Variants in VPS13A observed in about 807,000 individuals in gnomAD.
VPS13A encodes intermembrane lipid transfer protein VPS13A.
VPS13A carries 264 observed loss-of-function variants against 390.9 expected under a neutral mutation model. The ratio of observed to expected loss-of-function variants is 0.68; its 90% CI spans 0.61 to 0.75. VPS13A has a LOEUF of 0.75. VPS13A is among the 30% of genes least tolerant of loss of function. The probability of loss-of-function intolerance (pLI) is 0.00; values close to 1 mark genes in which losing one functional copy is unlikely to be tolerated. For missense variants in VPS13A, 3,409 were observed against 3,733.9 expected, an observed-to-expected ratio of 0.91 and a Z score of 2.27; for synonymous variants, 1,231 against 1,227.1, an observed-to-expected ratio of 1.00 and a Z score of -0.07.
intron 23 of VPS13A, among the ~76,000 whole-genome samples, chr9:77,262,847 G>A (rs1292462559): frequency 6.6e-6 from 1 of 152,092 alleles, no homozygotes; most frequent in African/African-American, 2.4e-5. Context: ...TGGGCATTTG[G>A]GTTGGTTCTA....
At chr9:77,398,885 G>A (rs1260394315) in intron 68 of VPS13A, among the ~76,000 whole-genome samples, 2 of 150,892 alleles carry the variant, frequency 1.3e-5, no homozygotes, top group Admixed American at 1.3e-4. Flanking sequence ...GATGAAATTG[G>A]AAACCATCAT....
intron 33 of VPS13A, among the ~76,000 whole-genome samples, chr9:77,296,690 A>G (rs966310059): frequency 6.6e-6 from 1 of 152,166 alleles, no homozygotes; most frequent in African/African-American, 2.4e-5. Flanking sequence ...ATACCATTTT[A>G]TAAGTTTTGA....
chr9:77,304,070 T>C (rs1828559042), intron 34 of VPS13A, among the ~76,000 whole-genome samples: 1 of 152,170 alleles, frequency 6.6e-6, no homozygotes, highest in African/African-American at 2.4e-5. Flanking sequence ...GACTATCATA[T>C]GGGGAGAAAC....
At position 77,368,105 on chromosome 9, in the gene VPS13A, A is replaced by G. The variant is rs755328181; in HGVS notation, c.8522A>G (p.Gln2841Arg). The change falls in exon 62 of 72, where the codon CAG (glutamine) becomes CGG (arginine). Residue 2841 changes from glutamine (Q) to arginine (R), a missense_variant. Transcript: ENST00000360280. ...CAGTTCCATACAACATCCGATCTAC[A>G]GTCTGAAGTCATAAGACACTATTCA... Reference protein sequence around the residue: ...NYQFHTTSDLQSEVIRHYSKQ... With the variant: ...NYQFHTTSDLRSEVIRHYSKQ... 107 of 1,612,482 alleles carry G rather than the reference A, an allele frequency of 6.6e-5. No individual in the cohort carries two copies. In the Admixed American group the frequency reaches 1.7e-3, roughly 26 times the overall value.
intron 68 of VPS13A, among the ~76,000 whole-genome samples, chr9:77,399,181 T>TAAAAAAAAAAAAAAAAAAAAAA (rs1223344360): frequency 1.4e-4 from 5 of 34,958 alleles, no homozygotes; most frequent in Non-Finnish European, 1.8e-4. Context: ...AAAAAAAAAA[T>TAAAAAAAAAAAAAAAAAAAAAA]AAAAAAAAAA....
chr9:77,253,173 T>C (rs1825239888), intron 22 of VPS13A, among the ~76,000 whole-genome samples: 1 of 152,218 alleles, frequency 6.6e-6, no homozygotes, highest in African/African-American at 2.4e-5. Flanking sequence ...GTCATCCTAA[T>C]AGGTGTGAAG....
At chr9:77,386,163 T>TA (rs1833673465) in intron 68 of VPS13A, among the ~76,000 whole-genome samples, 1 of 152,210 alleles carries the variant, frequency 6.6e-6, no homozygotes, top group Admixed American at 6.5e-5. Context: ...AGTCATTGCT[T>TA]TATTGGAAAC....
intron 68 of VPS13A, among the ~76,000 whole-genome samples, chr9:77,398,827 G>T (rs987376028): frequency 6.6e-6 from 1 of 152,144 alleles, no homozygotes; most frequent in South Asian, 2.1e-4. Context: ...AAAGGATACG[G>T]TTGGCAGCCA....
intron 67 of VPS13A, among the ~76,000 whole-genome samples, chr9:77,377,455 A>G (rs1353824007): frequency 1.3e-5 from 2 of 151,936 alleles, no homozygotes; most frequent in Admixed American, 6.6e-5. Flanking sequence ...TCCTGACCTC[A>G]TGATCCACCC....
rs1230623875 is a variant in VPS13A, at chr9:77,295,641, A to C, written c.3607A>C (p.Arg1203=). Residue 1203 remains arginine, a synonymous_variant, in exon 33 of 72, where the codon AGG becomes CGG. Transcript: ENST00000360280. ...AATGVKELAQ[R]SSRMALDINI... ...TACTGGTGTAAAAGAACTCGCACAA[A>C]GGAGTTCCAGAATGGCACTGGATAT... 6.2e-7 allele frequency: 1 copy of C among 1,614,068 alleles called. No homozygotes were observed. Among genetic ancestry groups the C allele is most frequent in the South Asian group, 1.1e-5 (1 of 91,080 alleles).
chr9:77,339,491 T>TG, intron 47 of VPS13A, 25 bp from the exon 48 acceptor site: 5 of 1,468,432 alleles, frequency 3.4e-6, no homozygotes, highest in South Asian at 2.7e-5. Flanking sequence ...TAAATTTTGT[T>TG]TTGTTTTTTT....
chr9:77,217,794 T>C (rs1359404708), intron 10 of VPS13A, among the ~76,000 whole-genome samples: 4 of 151,876 alleles, frequency 2.6e-5, no homozygotes, highest in Admixed American at 2.6e-4. Flanking sequence ...TTTTTTTTTT[T>C]TGGATAGAAT....
rs1824872578 is a variant in VPS13A, at chr9:77,247,314, G to A, written c.1956G>A (p.Lys652=). The part of the protein sequence containing the change: ...QKVLDLKINL[K]ASYIIVPQDG... ...TTCTTGATCTCAAAATTAATTTGAAGGCTTCATATATTATTGTCCCACAAG... is the reference window on the plus strand; with the variant it reads ...TTCTTGATCTCAAAATTAATTTGAAAGCTTCATATATTATTGTCCCACAAG... Residue 652 remains lysine (K), a synonymous_variant, in exon 20 of 72, where the codon AAG becomes AAA. Transcript: ENST00000360280. The A allele has an allele frequency of 6.2e-7, 1 of 1,608,910 alleles. No homozygotes were observed.
intron 22 of VPS13A, among the ~76,000 whole-genome samples, chr9:77,255,186 CT>C (rs1339839017): frequency 1.3e-5 from 2 of 152,006 alleles, no homozygotes; most frequent in African/African-American, 2.4e-5. Context: ...AGTTTGCTAA[CT>C]TTTTATTATG....
rs115234708 is a variant in VPS13A at position 77,279,048 on chromosome 9, G to A, written c.2825-1111G>A. Among the ~76,000 whole-genome samples the A allele has an allele frequency of 8.2e-3, 1,246 of 152,290 alleles. 21 individuals are homozygous for A. The highest frequency in any genetic ancestry group is 0.029 in the African/African-American group (1,198 of 41,544). ...GCCCAAGGGGCATGTGTTACAGTAT[G>A]CTCTTTCAACTTTGCCATCTGCAGA... is the stretch of plus-strand genomic sequence containing the variant. On this transcript the variant is annotated intron_variant, in intron 26 of 71. Transcript: ENST00000360280.
At chr9:77,209,311 A>T (rs940156003) in intron 5 of VPS13A, 112 bp from the exon 6 acceptor site, 5 of 730,096 alleles carry the variant, frequency 6.8e-6, no homozygotes, top group Non-Finnish European at 7.1e-6. Context: ...TGTTCTATTT[A>T]CATATATATG....
chr9:77,312,423 A>ATT (rs200809406), intron 35 of VPS13A, among the ~76,000 whole-genome samples: 104 of 146,656 alleles, frequency 7.1e-4, no homozygotes, highest in Admixed American at 1.2e-3. Context: ...TGTTCATATA[A>ATT]TTTTTTTTTT....
At chr9:77,231,315 AG>A (rs1410557980) in intron 17 of VPS13A, among the ~76,000 whole-genome samples, 2 of 152,158 alleles carry the variant, frequency 1.3e-5, no homozygotes, top group East Asian at 1.9e-4. Flanking sequence ...TGTTCTTCGA[AG>A]GAAGTGTTCA....
chr9:77,177,863 C>A (rs1256862883), intron 1 of VPS13A, 59 bp downstream of exon 1: 2 of 1,500,138 alleles, frequency 1.3e-6, no homozygotes, highest in Admixed American at 1.9e-5. Context: ...GTCTCGCTGC[C>A]CGAGCGGCGT....
Sources: gnomAD v4.1 joint callset for allele counts (sites outside exome capture counted in the v4.1 genomes callset) on GRCh38, gnomAD v4.1.1 for gene constraint, MANE v1.5 for transcripts, NCBI Gene and HGNC (gene_info 2026-07-23, HGNC 2026-07-21) for gene names.